Variants in SYNE2 observed in about 807,000 individuals in gnomAD.
The protein encoded by SYNE2 is spectrin repeat containing nuclear envelope protein 2, also known as nesprin-2.
SYNE2 carries 431 observed loss-of-function variants against 856.3 expected under a neutral mutation model. The ratio of observed to expected loss-of-function variants is 0.50; its 90% CI spans 0.47 to 0.55. SYNE2 has a LOEUF of 0.55. Ranked by LOEUF, SYNE2 falls within the 20% of genes least tolerant of loss-of-function variation. The pLI is 0.00. For synonymous variants in SYNE2, 2,923 were observed against 2,872.3 expected (o/e 1.02, Z -0.56); for missense variants, 8,129 against 8,023.2 (o/e 1.01, Z -0.50).
intron 14 of SYNE2, among the ~76,000 whole-genome samples, chr14:63,979,220 C>G (rs937514988): frequency 1.3e-5 from 2 of 152,152 alleles, no homozygotes; most frequent in African/African-American, 4.8e-5. Context: ...TAGAAAATAT[C>G]ACTACTTACT....
chr14:64,104,822 A>C (rs1595551643), intron 64 of SYNE2, among the ~76,000 whole-genome samples: 1 of 152,102 alleles, frequency 6.6e-6, no homozygotes, highest in East Asian at 1.9e-4. Flanking sequence ...GTGATTACCA[A>C]ACTAAATCTC....
chr14:63,917,055 C>T (rs1434283667), intron 2 of SYNE2, among the ~76,000 whole-genome samples: 2 of 152,050 alleles, frequency 1.3e-5, no homozygotes, highest in Non-Finnish European at 2.9e-5. Context: ...TACCACTGTG[C>T]TCTAGGCTGG....
chr14:64,086,325 A>G (rs1229379559), intron 57 of SYNE2, among the ~76,000 whole-genome samples: 1 of 152,186 alleles, frequency 6.6e-6, no homozygotes, highest in Non-Finnish European at 1.5e-5. Context: ...ATGTGCATCT[A>G]TTTCTGGGCT....
chr14:64,086,924 G>T (rs1021644099), intron 57 of SYNE2, among the ~76,000 whole-genome samples: 1 of 151,166 alleles, frequency 6.6e-6, no homozygotes, highest in East Asian at 1.9e-4. Context: ...TGGCCAGGCT[G>T]GTCTCGAACT....
chr14:63,876,573 C>T (rs571259256), intron 1 of SYNE2, among the ~76,000 whole-genome samples: 11 of 151,958 alleles, frequency 7.2e-5, no homozygotes, highest in Admixed American at 5.2e-4. Context: ...CTGCAAGCTC[C>T]GCCTCCCAGG....
intron 6 of SYNE2, among the ~76,000 whole-genome samples, 190 bp from the exon 7 acceptor site, chr14:63,949,635 C>A (rs535324640): frequency 6.6e-6 from 1 of 152,100 alleles, no homozygotes; most frequent in East Asian, 1.9e-4. Context: ...CCAAGTCATT[C>A]CTTAGGAAGC....
In SYNE2 at chr14:64,158,716, G is replaced by A. The variant is rs769633528; in HGVS notation, c.15884G>A (p.Arg5295Gln). 7 of 1,613,842 alleles carry A rather than the reference G, an allele frequency of 4.3e-6. No homozygotes were observed. The highest frequency in any genetic ancestry group is 5.1e-6 in the Non-Finnish European group (6 of 1,179,928). ...GATGAAGTGAATATGATGACAATCC[G>A]ATTCTGGTACTGCATGGAACACAGC... The part of the protein sequence containing the change: ...LYDEVNMMTI[R>Q]FWYCMEHSKP... Residue 5295 changes from arginine to glutamine, a missense_variant, in exon 86 of 116, where the codon CGA (arginine) becomes CAA (glutamine). Around this residue, in one of 3 missense-constraint regions of SYNE2, gnomAD observed 5,410 missense variants for 5,284.8 expected, o/e 1.02. Transcript: ENST00000555002.
chr14:64,014,523 T>C (rs1194624410), intron 32 of SYNE2, among the ~76,000 whole-genome samples: 1 of 152,152 alleles, frequency 6.6e-6, no homozygotes, highest in East Asian at 1.9e-4. Context: ...ACCTCCTGGA[T>C]TCAAGCAATT....
At chr14:63,819,805 G>A (rs1257473445) in intron 1 of SYNE2, among the ~76,000 whole-genome samples, 1 of 66,494 alleles carries the variant, frequency 1.5e-5, no homozygotes, top group Non-Finnish European at 2.9e-5. Flanking sequence ...CAAAGTGCTG[G>A]GATTACAGGC....
intron 66 of SYNE2, among the ~76,000 whole-genome samples, chr14:64,115,807 A>G (rs1347494544): frequency 5.9e-5 from 9 of 152,190 alleles, no homozygotes; most frequent in Admixed American, 5.9e-4. Flanking sequence ...GTGGTCTGTA[A>G]AAACACAAAA....
intron 6 of SYNE2, among the ~76,000 whole-genome samples, chr14:63,944,338 G>T (rs1418455112): frequency 6.7e-6 from 1 of 148,300 alleles, no homozygotes; most frequent in Non-Finnish European, 1.5e-5. Flanking sequence ...GATGTTTGTT[G>T]TAAAGTACTA....
intron 110 of SYNE2, 89 bp downstream of exon 110, chr14:64,219,499 G>A: frequency 7.7e-7 from 1 of 1,302,516 alleles, no homozygotes; most frequent in Non-Finnish European, 1.1e-6. Context: ...ATGTATTCGT[G>A]GCATAGGCGC....
At chr14:63,918,977 C>T (rs751767141) in intron 2 of SYNE2, among the ~76,000 whole-genome samples, 7 of 152,280 alleles carry the variant, frequency 4.6e-5, no homozygotes, top group Middle Eastern at 3.4e-3. Context: ...AATGCTTTGT[C>T]GGCAAACTTC....
At chr14:63,943,405 A>T (rs2153420249) in intron 6 of SYNE2, among the ~76,000 whole-genome samples, 1 of 152,188 alleles carries the variant, frequency 6.6e-6, no homozygotes, top group East Asian at 1.9e-4. Context: ...TAATTATTTT[A>T]AAAATAACTT....
intron 1 of SYNE2, among the ~76,000 whole-genome samples, chr14:63,830,840 C>CTTTTTT (rs11427202): frequency 4.6e-4 from 50 of 108,684 alleles, no homozygotes; most frequent in Admixed American, 7.2e-4. Flanking sequence ...TGATCCCATT[C>CTTTTTT]TTTTTTTTTT....
chr14:64,165,117 G>A lies in SYNE2; in HGVS notation c.16480-168G>A, dbSNP rs1005037102. Reference sequence around the variant, plus strand: ...GCTCAGGCTGGTCTTGAACTCCTGGGCTCAAGCAATCTTCCCACCTCGGCC... The same window carrying A: ...GCTCAGGCTGGTCTTGAACTCCTGGACTCAAGCAATCTTCCCACCTCGGCC... On this transcript the variant is annotated intron_variant, in intron 89 of 115. Transcript: ENST00000555002. 4.0e-5 allele frequency among the ~76,000 whole-genome samples: 6 copies of A among 151,638 alleles called. No individual in the cohort carries two copies. The East Asian group carries it at 9.7e-4, about 24-fold the overall frequency.
chr14:64,192,017 G>C (rs966191589), intron 99 of SYNE2, among the ~76,000 whole-genome samples: 1 of 152,194 alleles, frequency 6.6e-6, no homozygotes, highest in African/African-American at 2.4e-5. Context: ...GCACATATGA[G>C]CCAGCATTTA....
At chr14:64,127,908 A>G (rs1226722169) in intron 73 of SYNE2, among the ~76,000 whole-genome samples, 2 of 152,206 alleles carry the variant, frequency 1.3e-5, no homozygotes, top group Non-Finnish European at 2.9e-5. Flanking sequence ...CCATTTTTTC[A>G]CATACACACA....
chr14:63,954,455 T>C (rs535513257), intron 7 of SYNE2, among the ~76,000 whole-genome samples: 10 of 152,240 alleles, frequency 6.6e-5, no homozygotes, highest in Admixed American at 5.9e-4. Flanking sequence ...GGCCTGAGAA[T>C]TTACATTTCT....
Sources: allele counts gnomAD v4.1 joint callset (sites outside exome capture counted in the v4.1 genomes callset), GRCh38; gene constraint gnomAD v4.1.1; regional missense constraint gnomAD v4.1.1; transcripts MANE v1.5; gene names NCBI Gene and HGNC (gene_info 2026-07-23, HGNC 2026-07-21).